Variants in LRRTM4 observed in about 807,000 individuals in gnomAD.
LRRTM4 encodes the protein leucine-rich repeat transmembrane neuronal protein 4.
Under a neutral mutation model 47.6 loss-of-function variants are expected in LRRTM4, and 25 were observed. The observed-to-expected ratio is 0.53, with a 90% CI of 0.38 to 0.73. The LOEUF is 0.73. LRRTM4 is among the 30% of genes least tolerant of loss of function. The pLI, the probability that LRRTM4 is intolerant of heterozygous loss-of-function variation, is 0.00. For synonymous variants in LRRTM4, 311 were observed against 269.5 expected (o/e 1.15, Z -1.51); for missense variants, 638 against 713.4 (o/e 0.89, Z 1.20).
chr2:77,386,885 G>A (rs1457455532), intron 3 of LRRTM4, among the ~76,000 whole-genome samples: 3 of 152,012 alleles, frequency 2.0e-5, no homozygotes, highest in Non-Finnish European at 2.9e-5. Flanking sequence ...GCAAACCACC[G>A]TGGCACATGT....
At chr2:77,107,938 G>A (rs1671143749) in intron 3 of LRRTM4, among the ~76,000 whole-genome samples, 1 of 151,428 alleles carries the variant, frequency 6.6e-6, no homozygotes, top group African/African-American at 2.4e-5. Context: ...AAAATAACAA[G>A]GTAACACTAC....
chr2:77,424,315 G>A (rs561282298), intron 3 of LRRTM4, among the ~76,000 whole-genome samples: 1 of 152,232 alleles, frequency 6.6e-6, no homozygotes, highest in Admixed American at 6.5e-5. Flanking sequence ...AAAAAATGTT[G>A]AGAATTTCTC....
intron 3 of LRRTM4, among the ~76,000 whole-genome samples, chr2:77,213,793 G>A (rs997516517): frequency 6.6e-6 from 1 of 152,058 alleles, no homozygotes; most frequent in Non-Finnish European, 1.5e-5. Context: ...AGACTTGGCA[G>A]CCTTGGGACG....
intron 3 of LRRTM4, among the ~76,000 whole-genome samples, chr2:76,937,406 T>C (rs1334896431): frequency 6.6e-6 from 1 of 152,204 alleles, no homozygotes; most frequent in African/African-American, 2.4e-5. Flanking sequence ...GATGGGAAAT[T>C]GGCACCAGAA....
At chr2:77,233,359 C>A (rs1675017544) in intron 3 of LRRTM4, among the ~76,000 whole-genome samples, 1 of 152,134 alleles carries the variant, frequency 6.6e-6, no homozygotes, top group Admixed American at 6.6e-5. Flanking sequence ...CCTCTGTACT[C>A]CCAACTGGGT....
intron 3 of LRRTM4, among the ~76,000 whole-genome samples, chr2:77,178,888 G>A (rs1172507045): frequency 1.3e-5 from 2 of 152,108 alleles, no homozygotes; most frequent in Admixed American, 6.6e-5. Context: ...CTCAAAAAAG[G>A]TGTGGCCAAC....
intron 3 of LRRTM4, among the ~76,000 whole-genome samples, chr2:76,997,894 G>C (rs1677258891): frequency 6.6e-6 from 1 of 151,812 alleles, no homozygotes; most frequent in Non-Finnish European, 1.5e-5. Flanking sequence ...GAACCCTATT[G>C]TGAACTGCGC....
At chr2:77,323,496 C>G (rs1670631128) in intron 3 of LRRTM4, among the ~76,000 whole-genome samples, 1 of 152,018 alleles carries the variant, frequency 6.6e-6, no homozygotes, top group Admixed American at 6.6e-5. Flanking sequence ...TTTCTTATGC[C>G]AGTTTCATGT....
intron 3 of LRRTM4, among the ~76,000 whole-genome samples, chr2:77,294,267 A>G (rs1676909356): frequency 6.7e-6 from 1 of 149,104 alleles, no homozygotes; most frequent in Non-Finnish European, 1.5e-5. Context: ...GAAAATCAGG[A>G]GGAAAATGAC....
chr2:77,301,002 T>C (rs1394943714), intron 3 of LRRTM4, among the ~76,000 whole-genome samples: 3 of 152,112 alleles, frequency 2.0e-5, no homozygotes, highest in African/African-American at 7.2e-5. Flanking sequence ...ACTTTTTTTC[T>C]TTTCCTTTTT....
Position 77,110,889 on chromosome 2 carries a change from C to T in LRRTM4, c.1552-361973G>A, listed in dbSNP as rs536468376. On this transcript the variant is annotated intron_variant, in intron 3 of 3. Coordinates refer to ENST00000409884, the MANE Select transcript of LRRTM4 (RefSeq NM_001134745.3). ...GTGAATTGTGAATACTTTTAAATTG[C>T]CTTCTGTACTTGGCAATATTTTAAA... is the stretch of plus-strand genomic sequence containing the variant. Among the ~76,000 whole-genome samples, 96 of 152,138 alleles carry T rather than the reference C, an allele frequency of 6.3e-4. No homozygotes were observed. The South Asian group carries it at 0.012, about 19-fold the overall frequency.
intron 3 of LRRTM4, among the ~76,000 whole-genome samples, chr2:77,337,774 T>G (rs1671219952): frequency 6.6e-6 from 1 of 152,028 alleles, no homozygotes; most frequent in Admixed American, 6.6e-5. Context: ...GAGAATGAAC[T>G]AATGCAGAGC....
intron 3 of LRRTM4, among the ~76,000 whole-genome samples, chr2:76,976,590 G>A (rs541244388): frequency 6.6e-6 from 1 of 151,614 alleles, no homozygotes; most frequent in East Asian, 2.0e-4. Flanking sequence ...AAATATTGCT[G>A]TGGCCTAGGC....
In LRRTM4 at chr2:76,849,586, G is replaced by A. The variant is rs933747920; in HGVS notation, c.1552-100670C>T. Among the ~76,000 whole-genome samples, 5 of 151,672 alleles carry A rather than the reference G, an allele frequency of 3.3e-5. No individual in the cohort carries two copies. The East Asian group carries it at 9.7e-4, about 29-fold the overall frequency. ...TGCTAATTATACTTCTGTAAAAGGC[G>A]ACTTAAAACAATCTAGTTTGCTTAA... is the stretch of plus-strand genomic sequence containing the variant. On this transcript the variant is annotated intron_variant, in intron 3 of 3. Transcript: ENST00000409884.
At position 76,764,512 on chromosome 2, in the gene LRRTM4, TC is replaced by T. The variant is rs561878723; in HGVS notation, c.1552-15597del. Among the ~76,000 whole-genome samples, 41 of 152,148 alleles carry T rather than the reference TC, an allele frequency of 2.7e-4. No homozygotes were observed. The South Asian group carries it at 8.1e-3, about 30-fold the overall frequency. ...TGGGCGTGGTGGCGGGCGCCTATAG[TC>T]CCAGCTACTCCGGAGGCTGAGGCAG... On this transcript the variant is annotated intron_variant, in intron 3 of 3. Transcript: ENST00000409884.
rs1488356690 is a variant in LRRTM4 at position 77,109,119 on chromosome 2, T to C, written c.1552-360203A>G. Among the ~76,000 whole-genome samples, 10 of 152,202 alleles carry C rather than the reference T, an allele frequency of 6.6e-5. No individual in the cohort carries two copies. In the East Asian group the frequency reaches 1.9e-3, roughly 29 times the overall value. On this transcript the variant is annotated intron_variant, in intron 3 of 3. Transcript: ENST00000409884. ...AGTGAAACTATACTTTAAATACACATTGACACTTTATTTGCCATGTTGGGT... is the reference window on the plus strand; with the variant it reads ...AGTGAAACTATACTTTAAATACACACTGACACTTTATTTGCCATGTTGGGT...
At chr2:77,152,337 CT>C (rs201142125) in intron 3 of LRRTM4, among the ~76,000 whole-genome samples, 1 of 151,278 alleles carries the variant, frequency 6.6e-6, no homozygotes, top group African/African-American at 2.4e-5. Context: ...TTTTTTGTAT[CT>C]TTTTTTTTCA....
intron 3 of LRRTM4, among the ~76,000 whole-genome samples, chr2:77,488,808 G>C (rs2104038073): frequency 6.6e-6 from 1 of 152,014 alleles, no homozygotes; most frequent in Non-Finnish European, 1.5e-5. Flanking sequence ...AGTCTCACAT[G>C]AAGCACTGAA....
intron 3 of LRRTM4, among the ~76,000 whole-genome samples, chr2:77,186,878 A>T (rs921088392): frequency 6.6e-6 from 1 of 152,184 alleles, no homozygotes; most frequent in African/African-American, 2.4e-5. Flanking sequence ...TTTTGGAGTC[A>T]TCACACAGAA....
Sources: allele counts gnomAD v4.1 joint callset (sites outside exome capture counted in the v4.1 genomes callset), GRCh38; gene constraint gnomAD v4.1.1; transcripts MANE v1.5; gene names NCBI Gene and HGNC (gene_info 2026-07-23, HGNC 2026-07-21).